The following NRG1 variants were observed in gnomAD, a reference collection of about 807,000 sequenced individuals.
The protein encoded by NRG1 is neuregulin 1.
In NRG1, 18 loss-of-function variants were observed where a neutral mutation model predicts 63.8. The observed-to-expected ratio is 0.28, with a 90% CI of 0.19 to 0.42. The LOEUF (loss-of-function observed/expected upper bound fraction) is 0.42. Ranked by LOEUF, NRG1 falls within the 10% of genes least tolerant of loss-of-function variation. NRG1 has a pLI of 1.00. For missense variants in NRG1, 762 were observed against 814.7 expected (o/e 0.94, Z 0.79); for synonymous variants, 302 against 301.3 (o/e 1.00, Z -0.02).
chr8:32,457,953 C>CTG (rs763379871), intron 1 of NRG1, among the ~76,000 whole-genome samples: 65 of 151,786 alleles, frequency 4.3e-4, no homozygotes, highest in Middle Eastern at 3.4e-3. Context: ...GAGTCTCACT[C>CTG]TGTCACCAGG....
intron 5 of NRG1, chr8:32,647,075 C>T (rs1853726855): frequency 3.0e-6 from 3 of 985,330 alleles, no homozygotes; most frequent in Non-Finnish European, 3.6e-6. Context: ...GGAGTGACCG[C>T]CCCTCCTGGC....
chr8:32,510,121 T>TC (rs751811868), intron 1 of NRG1, among the ~76,000 whole-genome samples: 12,274 of 141,528 alleles, frequency 0.087, 544 homozygotes, highest in Middle Eastern at 0.13. Context: ...ATAATAATAA[T>TC]AATAATCATA....
At chr8:31,697,619 C>T (rs898803166) in intron 1 of NRG1, among the ~76,000 whole-genome samples, 4 of 152,106 alleles carry the variant, frequency 2.6e-5, no homozygotes, top group East Asian at 1.9e-4. Context: ...GTCAGGAAAG[C>T]AGAGGAGTTA....
chr8:32,332,243 TA>T (rs1229452278), intron 1 of NRG1, among the ~76,000 whole-genome samples: 1 of 152,214 alleles, frequency 6.6e-6, no homozygotes, highest in Non-Finnish European at 1.5e-5. Flanking sequence ...TCTTTGGCCT[TA>T]AAGGAAAAAC....
At chr8:31,644,072 T>C (rs1804060587) in intron 1 of NRG1, among the ~76,000 whole-genome samples, 1 of 152,244 alleles carries the variant, frequency 6.6e-6, no homozygotes, top group African/African-American at 2.4e-5. Flanking sequence ...TAAAGTGTGC[T>C]AACCTTATGG....
At chr8:31,800,664 G>T (rs898681416) in intron 1 of NRG1, among the ~76,000 whole-genome samples, 10 of 151,992 alleles carry the variant, frequency 6.6e-5, no homozygotes, top group South Asian at 2.1e-4. Flanking sequence ...AGCACAATAG[G>T]CTTTTTAGTT....
intron 1 of NRG1, among the ~76,000 whole-genome samples, chr8:32,294,182 T>C (rs2129474336): frequency 6.6e-6 from 1 of 151,944 alleles, no homozygotes; most frequent in South Asian, 2.1e-4. Flanking sequence ...CCCCAAGTCC[T>C]CCCCCTGCTG....
rs141846288 is a variant in NRG1 at position 31,716,094 on chromosome 8, A to G, written c.37+76663A>G. ...CAGTTAGATTTTCATAAACTGACAG[A>G]TAGTTTCATAAATACCCAATATGTA... On this transcript the variant is annotated intron_variant, in intron 1 of 10. Coordinates refer to the NRG1 transcript ENST00000519301. Among the ~76,000 whole-genome samples, 449 of 152,318 alleles carry G rather than the reference A, an allele frequency of 2.9e-3. 3 individuals are homozygous for G. The highest frequency in any genetic ancestry group is 9.8e-3 in the African/African-American group (408 of 41,574).
At chr8:31,671,940 A>G (rs1036182841) in intron 1 of NRG1, among the ~76,000 whole-genome samples, 4 of 152,190 alleles carry the variant, frequency 2.6e-5, no homozygotes, top group Non-Finnish European at 5.9e-5. Context: ...ATAGCAATAT[A>G]GAGATGAAAG....
intron 1 of NRG1, among the ~76,000 whole-genome samples, chr8:32,085,709 ATAATT>A (rs1436837090): frequency 5.9e-5 from 9 of 152,336 alleles, no homozygotes; most frequent in Admixed American, 2.0e-4. Context: ...ACTACAACAT[ATAATT>A]TAAACTCATA....
intron 1 of NRG1, among the ~76,000 whole-genome samples, chr8:32,387,533 A>G (rs1288241998): frequency 1.3e-5 from 2 of 152,148 alleles, no homozygotes; most frequent in Non-Finnish European, 2.9e-5. Flanking sequence ...AGCCATAGCT[A>G]GGCTTATGCA....
At chr8:32,417,057 G>T (rs1212523411) in intron 1 of NRG1, among the ~76,000 whole-genome samples, 2 of 152,134 alleles carry the variant, frequency 1.3e-5, no homozygotes, top group African/African-American at 4.8e-5. Context: ...GCAAGTGGCT[G>T]TCTGCCTCCA....
At chr8:32,692,327 T>C (rs7835765) in intron 5 of NRG1, among the ~76,000 whole-genome samples, 104,692 of 152,070 alleles carry the variant, frequency 0.69, 37,338 homozygotes, top group African/African-American at 0.89. Flanking sequence ...TTTCATTCAG[T>C]CTCTTAGCAA....
rs1844483079 is a variant in NRG1 at position 32,209,755 on chromosome 8, TTCCTTC to T, written c.38-386072_38-386067del. Among the ~76,000 whole-genome samples, 5 of 151,200 alleles carry T rather than the reference TTCCTTC, an allele frequency of 3.3e-5. No individual in the cohort carries two copies. In the South Asian group the frequency reaches 1.1e-3, roughly 32 times the overall value. ...CTTCCTTCCTTCCTTCCTTCCTTCC[TTCCTTC>T]CTTCCTTCCTTCCTTCTTACTTTCT... On this transcript the variant is annotated intron_variant, in intron 1 of 10. Coordinates refer to the NRG1 transcript ENST00000519301.
intron 1 of NRG1, among the ~76,000 whole-genome samples, chr8:32,093,157 G>A (rs926831143): frequency 6.6e-6 from 1 of 152,192 alleles, no homozygotes; most frequent in East Asian, 1.9e-4. Context: ...GCCTTGAGAT[G>A]CTGTTAATCT....
chr8:31,968,274 A>T (rs1347427401), intron 1 of NRG1, among the ~76,000 whole-genome samples: 1 of 152,198 alleles, frequency 6.6e-6, no homozygotes, highest in Non-Finnish European at 1.5e-5. Context: ...GTCAGGAGAG[A>T]GTGCTGTATT....
intron 1 of NRG1, among the ~76,000 whole-genome samples, chr8:31,784,625 G>A (rs62508596): frequency 0.21 from 32,171 of 152,058 alleles, 3,817 homozygotes; most frequent in Middle Eastern, 0.25. Flanking sequence ...GTAGAATCTC[G>A]GAGAGTGCCA....
At chr8:32,462,307 A>T (rs977175285) in intron 1 of NRG1, among the ~76,000 whole-genome samples, 4 of 152,162 alleles carry the variant, frequency 2.6e-5, no homozygotes, top group Admixed American at 1.3e-4. Context: ...TTAGACTCAC[A>T]GTGGTTGTCT....
chr8:32,000,205 T>A (rs1464321349), intron 1 of NRG1, among the ~76,000 whole-genome samples: 1 of 152,008 alleles, frequency 6.6e-6, no homozygotes, highest in African/African-American at 2.4e-5. Context: ...GATGTAGTGG[T>A]CTGGGCTAAA....
Sources: gnomAD v4.1 joint callset for allele counts (sites outside exome capture counted in the v4.1 genomes callset) on GRCh38, gnomAD v4.1.1 for gene constraint, MANE v1.5 for transcripts, NCBI Gene and HGNC (gene_info 2026-07-23, HGNC 2026-07-21) for gene names.